Variants in DLG5 observed in about 807,000 individuals in gnomAD.
DLG5 encodes the protein discs large MAGUK scaffold protein 5.
In DLG5, 48 loss-of-function variants were observed where a neutral mutation model predicts 189.8. That is an observed-to-expected ratio of 0.25 (90% CI 0.20 to 0.32). The LOEUF (loss-of-function observed/expected upper bound fraction) is 0.32. Among genes scored for constraint, DLG5 ranks in the 10% least tolerant of loss-of-function variants. The pLI is 1.00. For missense variants in DLG5, 2,160 were observed against 2,544.7 expected, an observed-to-expected ratio of 0.85 and a Z score of 3.25; for synonymous variants, 1,016 against 1,054.1, an observed-to-expected ratio of 0.96 and a Z score of 0.70.
intron 3 of DLG5, 98 bp downstream of exon 3, chr10:77,856,632 A>G: frequency 6.8e-7 from 1 of 1,462,594 alleles, no homozygotes; most frequent in Non-Finnish European, 9.4e-7. Context: ...CGCAGCCTGG[A>G]CCCCCAGGAG....
intron 8 of DLG5, 41 bp from the exon 9 acceptor site, chr10:77,834,080 T>C: frequency 3.1e-6 from 5 of 1,587,950 alleles, no homozygotes; most frequent in South Asian, 1.1e-5. Context: ...TCAAGAGGCA[T>C]GGGGAAGGGG....
intron 1 of DLG5, among the ~76,000 whole-genome samples, chr10:77,902,098 A>G (rs1271363273): frequency 6.6e-6 from 1 of 152,190 alleles, no homozygotes; most frequent in African/African-American, 2.4e-5. Flanking sequence ...GGGAACAGAC[A>G]GGTGTGGTCT....
chr10:77,861,122 C>G (rs1381913609), intron 2 of DLG5, among the ~76,000 whole-genome samples: 9 of 152,106 alleles, frequency 5.9e-5, no homozygotes. Context: ...ATGTCACACA[C>G]CCAGGATGGA....
intron 27 of DLG5, among the ~76,000 whole-genome samples, chr10:77,801,171 T>A (rs1227977574): frequency 1.3e-5 from 2 of 152,134 alleles, no homozygotes; most frequent in Middle Eastern, 3.2e-3. Flanking sequence ...TGACCACACA[T>A]GACAGTTACC....
intron 1 of DLG5, among the ~76,000 whole-genome samples, chr10:77,871,562 A>G (rs1433633632): frequency 1.2e-4 from 2 of 16,434 alleles, no homozygotes; most frequent in African/African-American, 2.5e-4. Context: ...TTTTTTTTTG[A>G]GACAGAGTCT....
intron 27 of DLG5, among the ~76,000 whole-genome samples, chr10:77,798,479 A>T (rs77951077): frequency 2.6e-5 from 4 of 152,128 alleles, no homozygotes; most frequent in African/African-American, 9.7e-5. Flanking sequence ...CCCTTCCCCA[A>T]CCTCAGTCCC....
chr10:77,818,322 A>C (rs952985265), intron 17 of DLG5, among the ~76,000 whole-genome samples: 1 of 152,216 alleles, frequency 6.6e-6, no homozygotes, highest in Non-Finnish European at 1.5e-5. Flanking sequence ...TGAAGGGCAG[A>C]GCAGGGATCG....
intron 8 of DLG5, among the ~76,000 whole-genome samples, chr10:77,834,558 T>C (rs1843033454): frequency 6.6e-6 from 1 of 152,138 alleles, no homozygotes. Context: ...TCTGTCTCTA[T>C]TAGCTCTGTG....
chr10:77,799,415 G>C (rs946415879), intron 27 of DLG5, among the ~76,000 whole-genome samples: 3 of 152,288 alleles, frequency 2.0e-5, no homozygotes, highest in Admixed American at 6.5e-5. Flanking sequence ...GGCTTTTTAA[G>C]AGGAAGAGAC....
At chr10:77,932,854 A>T in the DLG5 span, among the ~76,000 whole-genome samples, 1 of 152,180 alleles carries the variant, frequency 6.6e-6, no homozygotes, top group African/African-American at 2.4e-5. Context: ...TGCTCTTCCT[A>T]GCTGCTCAGG....
chr10:77,830,440 C>A, intron 10 of DLG5, 96 bp from the exon 11 acceptor site: 2 of 1,559,394 alleles, frequency 1.3e-6, no homozygotes. Context: ...ATGTGGGGGA[C>A]TGTCCCTTCA....
intron 25 of DLG5, 114 bp downstream of exon 25, chr10:77,807,682 A>G: frequency 8.0e-7 from 1 of 1,256,586 alleles, no homozygotes; most frequent in Non-Finnish European, 1.1e-6. Context: ...AATGATGATC[A>G]TGGCCCCAGC....
At chr10:77,859,537 C>A (rs1844389659) in intron 2 of DLG5, among the ~76,000 whole-genome samples, 1 of 152,140 alleles carries the variant, frequency 6.6e-6, no homozygotes, top group Admixed American at 6.5e-5. Context: ...AAATACTTAC[C>A]ATTGTGTTAC....
chr10:77,812,518 G>T, intron 20 of DLG5, 141 bp from the exon 21 acceptor site: 1 of 975,710 alleles, frequency 1.0e-6, no homozygotes, highest in Non-Finnish European at 1.5e-6. Flanking sequence ...ACAGCTACAT[G>T]GGGACATGGT....
intron 23 of DLG5, among the ~76,000 whole-genome samples, chr10:77,810,184 C>T (rs1318947690): frequency 6.6e-6 from 1 of 152,170 alleles, no homozygotes; most frequent in African/African-American, 2.4e-5. Flanking sequence ...GAAGAGGGGC[C>T]CCTTGCCATC....
intron 1 of DLG5, among the ~76,000 whole-genome samples, chr10:77,876,550 T>C (rs1845096306): frequency 6.6e-6 from 1 of 151,836 alleles, no homozygotes; most frequent in Non-Finnish European, 1.5e-5. Context: ...ATTTTGTATT[T>C]TTTAGTAAAG....
At position 77,853,663 on chromosome 10, in the gene DLG5, G is replaced by A. The variant is rs549351813; in HGVS notation, c.681-126C>T. 44 of 983,814 alleles carry A rather than the reference G, an allele frequency of 4.5e-5. 1 individual carries two copies. In the South Asian group the frequency reaches 9.1e-4, roughly 20 times the overall value. 60.9% of individuals were successfully genotyped at this position (983,814 alleles called of 1,614,324 possible). Reference sequence around the variant, plus strand: ...TACAGCGGACAGGAGCCAATGGCAGGTAGGTCTGTAGCACTCAGAGGCAAG... The same window carrying A: ...TACAGCGGACAGGAGCCAATGGCAGATAGGTCTGTAGCACTCAGAGGCAAG... On this transcript the variant is annotated intron_variant, in intron 4 of 31. Coordinates refer to ENST00000372391, the MANE Select transcript of DLG5 (RefSeq NM_004747.4).
Position 77,842,184 on chromosome 10 carries a change from C to A in DLG5, c.1134G>T (p.Ala378=), listed in dbSNP as rs777987925. 1 of 1,600,624 alleles carries A rather than the reference C, an allele frequency of 6.2e-7. No individual in the cohort carries two copies. Among genetic ancestry groups the A allele is most frequent in the Admixed American group, 1.7e-5 (1 of 59,966 alleles). Residue 378 remains alanine (A), a synonymous_variant, in exon 7 of 32, where the codon GCG becomes GCT. Coordinates refer to ENST00000372391, the MANE Select transcript of DLG5 (RefSeq NM_004747.4). Reference sequence around the variant, plus strand: ...TGGCCTTGTTCAGCTCATGGTGGATCGCCTCAAACCTGGCAAGAGAGGTGG... The same window carrying A: ...TGGCCTTGTTCAGCTCATGGTGGATAGCCTCAAACCTGGCAAGAGAGGTGG... ...QCALSLRRFE[A]IHHELNKATA...
Position 77,833,941 on chromosome 10 carries a change from T to A in DLG5, c.1721A>T (p.Asp574Val). 6.2e-7 allele frequency: 1 copy of A among 1,606,738 alleles called. No individual in the cohort carries two copies. Among genetic ancestry groups the A allele is most frequent in the Non-Finnish European group, 8.5e-7 (1 of 1,179,952 alleles). ...GAGCTCCTTCAGCTCGCGGCTGACA[T>A]CATTCTTCTGCTTGCGGGTGTCATC... ...SLDDTRKQKNDVSRELKELKE... is the reference protein window; with the variant it reads ...SLDDTRKQKNVVSRELKELKE... The change falls in exon 9 of 32, where the codon GAT becomes GTT. Residue 574 changes from aspartate (D) to valine (V), a missense_variant. By Grantham distance (152) the Asp-to-Val change is radical. Coordinates refer to ENST00000372391, the MANE Select transcript of DLG5 (RefSeq NM_004747.4).
Sources: gnomAD v4.1 joint callset for allele counts (sites outside exome capture counted in the v4.1 genomes callset) on GRCh38, gnomAD v4.1.1 for gene constraint, MANE v1.5 for transcripts, NCBI Gene and HGNC (gene_info 2026-07-23, HGNC 2026-07-21) for gene names.